The following HDAC8 variants were observed in gnomAD, a reference collection of about 807,000 sequenced individuals.
HDAC8 encodes histone deacetylase 8.
In HDAC8, 1 loss-of-function variant was observed where a neutral mutation model predicts 32.2. That is an observed-to-expected ratio of 0.03 (90% confidence interval 0.01 to 0.15). The LOEUF (loss-of-function observed/expected upper bound fraction) is 0.15. HDAC8 is among the 10% of genes least tolerant of loss of function. HDAC8 has a pLI of 1.00. For synonymous variants in HDAC8, 108 were observed against 113.9 expected (o/e 0.95, Z 0.33); for missense variants, 117 against 300.0 (o/e 0.39, Z 4.51).
At chrX:72,375,567 C>T (rs981269476) in intron 9 of HDAC8, among the ~76,000 whole-genome samples, 14 of 95,576 alleles carry the variant, frequency 1.5e-4, no homozygotes, top group Non-Finnish European at 2.7e-4. Context: ...CATTGAGAGA[C>T]GGGAGGGGAG....
chrX:72,349,934 G>T (rs1356984034), intron 10 of HDAC8, among the ~76,000 whole-genome samples: 7 of 111,579 alleles, frequency 6.3e-5, no homozygotes, highest in African/African-American at 2.3e-4. Flanking sequence ...AGCCTGGATG[G>T]GGGAAAATGG....
In HDAC8 at chrX:72,329,630, A is replaced by T. The variant is rs1555939438; in HGVS notation, c.*424T>A. The T allele has an allele frequency of 5.1e-6, 6 of 1,168,424 alleles. No individual in the cohort carries two copies. In the Admixed American group the frequency reaches 1.5e-4, roughly 29 times the overall value. On this transcript the variant is annotated 3_prime_UTR_variant, in exon 11 of 11. Coordinates refer to ENST00000373573, the MANE Select transcript of HDAC8 (RefSeq NM_018486.3). The stretch of plus-strand genomic sequence containing the variant: ...TCAGTACCCTCTCTCCCAGGGCTCC[A>T]CCTGGATGGTCCTGAGGCCCAAACC...
chrX:72,387,678 G>A (rs782813954), intron 9 of HDAC8, among the ~76,000 whole-genome samples: 11 of 111,787 alleles, frequency 9.8e-5, no homozygotes, highest in African/African-American at 2.3e-4. Flanking sequence ...GATAAATAAC[G>A]CATCTAAAGC....
At chrX:72,565,608 T>C (rs912092889) in intron 4 of HDAC8, among the ~76,000 whole-genome samples, 16 of 112,153 alleles carry the variant, frequency 1.4e-4, no homozygotes, top group African/African-American at 5.2e-4. Context: ...AGTACTCCAC[T>C]GGAAAATGAC....
chrX:72,472,866 C>CTT (rs1326956332), intron 7 of HDAC8, among the ~76,000 whole-genome samples: 1 of 110,567 alleles, frequency 9.0e-6, no homozygotes, highest in Admixed American at 9.6e-5. Context: ...TTTCCTGTTC[C>CTT]TTTCCAATTA....
At chrX:72,353,119 T>C (rs2044230645) in intron 9 of HDAC8, among the ~76,000 whole-genome samples, 1 of 111,953 alleles carries the variant, frequency 8.9e-6, no homozygotes, top group African/African-American at 3.2e-5. Flanking sequence ...TTAAAAATAA[T>C]CCAGAGTTAT....
chrX:72,530,295 T>C (rs1402225215), intron 4 of HDAC8, among the ~76,000 whole-genome samples: 1 of 111,670 alleles, frequency 9.0e-6, no homozygotes, highest in Non-Finnish European at 1.9e-5. Flanking sequence ...CTTGGGAGGG[T>C]ACTTCTAGAG....
chrX:72,349,555 C>T (rs1880146868), intron 10 of HDAC8, among the ~76,000 whole-genome samples: 1 of 112,501 alleles, frequency 8.9e-6, no homozygotes, highest in Non-Finnish European at 1.9e-5. Flanking sequence ...ATTGCTTTAA[C>T]CTGTTAGGAT....
At chrX:72,505,511 G>A (rs933234710) in intron 4 of HDAC8, among the ~76,000 whole-genome samples, 1 of 111,713 alleles carries the variant, frequency 9.0e-6, no homozygotes, top group Non-Finnish European at 1.9e-5. Context: ...ATCTTGTCTG[G>A]TGGAGATATA....
chrX:72,558,163 AAAG>A (rs2051349018), intron 4 of HDAC8, among the ~76,000 whole-genome samples: 1 of 112,380 alleles, frequency 8.9e-6, no homozygotes, highest in Non-Finnish European at 1.9e-5. Flanking sequence ...TCAGACATTC[AAAG>A]AAGAATTGAT....
At chrX:72,544,466 A>G (rs139959253) in intron 4 of HDAC8, among the ~76,000 whole-genome samples, 50 of 111,780 alleles carry the variant, frequency 4.5e-4, no homozygotes, top group South Asian at 1.1e-3. Flanking sequence ...TGGGGTAGTG[A>G]AAATGTACAG....
At chrX:72,416,305 T>C (rs2046329641) in intron 9 of HDAC8, among the ~76,000 whole-genome samples, 1 of 108,933 alleles carries the variant, frequency 9.2e-6, no homozygotes, top group Non-Finnish European at 1.9e-5. Context: ...TGGTCAAGTT[T>C]ATGTATATAG....
intron 9 of HDAC8, among the ~76,000 whole-genome samples, chrX:72,364,663 T>G (rs782721356): frequency 9.0e-6 from 1 of 111,550 alleles, no homozygotes; most frequent in Non-Finnish European, 1.9e-5. Flanking sequence ...GCATTGAATT[T>G]TGTGCATTCA....
intron 9 of HDAC8, among the ~76,000 whole-genome samples, chrX:72,455,170 T>TCCA (rs2047686589): frequency 8.9e-6 from 1 of 112,044 alleles, no homozygotes; most frequent in East Asian, 2.8e-4. Context: ...TTTGTTTATA[T>TCCA]TTGCATGGAG....
In HDAC8 at chrX:72,439,376, C is replaced by T. The variant is rs1234565174; in HGVS notation, c.1005+22628G>A. On this transcript the variant is annotated intron_variant, in intron 9 of 10. Transcript: ENST00000373573. ...GCAAAAACATACCAAATTGTAAAGA[C>T]CATTGATACTATGAACAAACTGCAT... 2.7e-5 allele frequency among the ~76,000 whole-genome samples: 3 copies of T among 111,240 alleles called. No individual in the cohort carries two copies. In the Admixed American group the frequency reaches 2.9e-4, roughly 11 times the overall value.
intron 4 of HDAC8, among the ~76,000 whole-genome samples, chrX:72,509,902 C>T (rs2049524343): frequency 9.0e-6 from 1 of 111,564 alleles, no homozygotes; most frequent in Non-Finnish European, 1.9e-5. Context: ...CATTTTACCA[C>T]TTTTTCAGTT....
intron 7 of HDAC8, among the ~76,000 whole-genome samples, chrX:72,475,916 G>T (rs1176744412): frequency 1.8e-5 from 2 of 111,294 alleles, no homozygotes; most frequent in Admixed American, 9.6e-5. Context: ...TTTTAAAGGG[G>T]CATCTTTTCT....
At chrX:72,373,234 C>T (rs1240653725) in intron 9 of HDAC8, among the ~76,000 whole-genome samples, 5 of 111,758 alleles carry the variant, frequency 4.5e-5, no homozygotes, top group African/African-American at 1.6e-4. Context: ...CCTTTTTTTT[C>T]CTTGAGATAT....
At chrX:72,420,621 T>A (rs1452183193) in intron 9 of HDAC8, among the ~76,000 whole-genome samples, 1 of 112,092 alleles carries the variant, frequency 8.9e-6, no homozygotes, top group East Asian at 2.8e-4. Context: ...TCTTCAATTT[T>A]TTCAGCGTTT....
Sources: gnomAD v4.1 joint callset for allele counts (sites outside exome capture counted in the v4.1 genomes callset) on GRCh38, gnomAD v4.1.1 for gene constraint, MANE v1.5 for transcripts, NCBI Gene and HGNC (gene_info 2026-07-23, HGNC 2026-07-21) for gene names.